ITFG2: variants seen among roughly 807,000 people sequenced by gnomAD.
The protein encoded by ITFG2 is integrin alpha FG-GAP repeat containing 2, also known as KICSTOR complex protein ITFG2.
In ITFG2, 36 loss-of-function variants were observed where a neutral mutation model predicts 54.4. That is an observed-to-expected ratio of 0.66 (90% CI 0.51 to 0.87). The LOEUF is 0.87. Among genes scored for constraint, ITFG2 ranks in the 40% least tolerant of loss-of-function variants. The pLI is 0.00. For synonymous variants in ITFG2, 211 were observed against 225.4 expected (o/e 0.94, Z 0.57); for missense variants, 524 against 576.7 (o/e 0.91, Z 0.94).
At chr12:2,856,366 G>A (rs116682998) in intron 2 of ITFG2, among the ~76,000 whole-genome samples, 2,572 of 152,122 alleles carry the variant, frequency 0.017, 80 homozygotes, top group African/African-American at 0.059. Flanking sequence ...CCATCCCCAG[G>A]GATGTTTTCT....
upstream of ITFG2, among the ~76,000 whole-genome samples, chr12:2,836,218 C>T (rs915125895): frequency 1.8e-4 from 28 of 152,234 alleles, no homozygotes; most frequent in Admixed American, 1.3e-4. Flanking sequence ...CCAGTGCACA[C>T]TGAGACAGCT....
At chr12:2,827,712 G>A, downstream of ITFG2, 1 of 1,613,398 alleles carries the variant, frequency 6.2e-7, no homozygotes, top group Non-Finnish European at 8.5e-7. The surrounding 1 kb of genome is among the most constrained non-coding windows in gnomAD (Gnocchi z 4.0). Flanking sequence ...AGAGGCTGAG[G>A]GTTCCCAGTG....
chr12:2,822,169 G>A (rs559433754), intron 9 of ITFG2, among the ~76,000 whole-genome samples: 64 of 152,090 alleles, frequency 4.2e-4, no homozygotes, highest in South Asian at 2.1e-3. Context: ...CAATCCTCTC[G>A]TCTTAGCCTC....
downstream of ITFG2, among the ~76,000 whole-genome samples, chr12:2,829,244 C>G (rs1021855919): frequency 6.6e-6 from 1 of 152,090 alleles, no homozygotes; most frequent in Non-Finnish European, 1.5e-5. Context: ...ATATGAGTAA[C>G]CAAGAAGTTC....
At chr12:2,817,347 G>A (rs376796363) in intron 2 of ITFG2, 29 bp downstream of exon 2, 104 of 1,525,076 alleles carry the variant, frequency 6.8e-5, no homozygotes, top group Middle Eastern at 1.9e-4. Flanking sequence ...GGGCCTGGAG[G>A]GGGGAAGGGA....
chr12:2,858,950 G>A (rs751184218), intron 3 of ITFG2: 6 of 1,613,640 alleles, frequency 3.7e-6, no homozygotes, highest in Non-Finnish European at 5.1e-6. Context: ...AGGGAGTGGT[G>A]CTGAGATCCA....
At chr12:2,826,327 G>A (rs1368734371), downstream of ITFG2, 1 of 152,150 alleles carries the variant, frequency 6.6e-6, no homozygotes, top group Non-Finnish European at 1.5e-5. Flanking sequence ...ATAGGAAGAA[G>A]GCCTAATGAG....
At chr12:2,853,603 T>G (rs533609606) in intron 2 of ITFG2, among the ~76,000 whole-genome samples, 2 of 146,992 alleles carry the variant, frequency 1.4e-5, no homozygotes, top group Admixed American at 6.8e-5. Context: ...TTGTTTTTGT[T>G]TTTGTTTTTG....
upstream of ITFG2, among the ~76,000 whole-genome samples, chr12:2,835,820 T>C (rs2098026111): frequency 6.6e-6 from 1 of 152,226 alleles, no homozygotes; most frequent in Non-Finnish European, 1.5e-5. Context: ...CTTTATATTC[T>C]TTATGCAAAT....
exon 3 of ITFG2, chr12:2,858,282 T>G: frequency 5.0e-6 from 1 of 200,358 alleles, no homozygotes; most frequent in Non-Finnish European, 1.0e-5. Context: ...AGAGGATAAT[T>G]TGGAGAATTT....
At chr12:2,817,831 C>T (rs936751319) in intron 2 of ITFG2, 78 bp from the exon 3 acceptor site, 27 of 1,415,632 alleles carry the variant, frequency 1.9e-5, no homozygotes, top group Admixed American at 1.1e-4. Flanking sequence ...AAAACCTGCC[C>T]GCTCCTCCTG....
downstream of ITFG2, chr12:2,827,731 T>C: frequency 1.9e-6 from 3 of 1,612,876 alleles, no homozygotes; most frequent in South Asian, 2.2e-5. The surrounding 1 kb of genome is among the most constrained non-coding windows in gnomAD (Gnocchi z 4.0). Context: ...TGGTCACTGC[T>C]GCCCTCCTCT....
At chr12:2,821,917 CTTTTTTTTTTTTCCTT>C in intron 9 of ITFG2, 125 bp downstream of exon 9, 1 of 446,126 alleles carries the variant, frequency 2.2e-6, no homozygotes, top group Non-Finnish European at 3.8e-6. Context: ...GTCTCTGTCT[CTTTTTTTTTTTTCCTT>C]TTTTTTTTTT....
chr12:2,821,435 T>C (rs2097944070), intron 7 of ITFG2, 76 bp downstream of exon 7: 1 of 1,547,024 alleles, frequency 6.5e-7, no homozygotes, highest in African/African-American at 1.4e-5. Flanking sequence ...TCCATAGCTT[T>C]CCCCTCATTT....
intron 2 of ITFG2, among the ~76,000 whole-genome samples, chr12:2,841,160 C>G (rs1359075500): frequency 6.6e-6 from 1 of 152,236 alleles, no homozygotes; most frequent in Non-Finnish European, 1.5e-5. Context: ...AACGTCATCT[C>G]TTGCTATGGA....
At chr12:2,858,705 C>T in intron 3 of ITFG2, 1 of 1,614,138 alleles carries the variant, frequency 6.2e-7, no homozygotes, top group Admixed American at 1.7e-5. Context: ...CTCGTCCAGG[C>T]CAGGAAAGCT....
chr12:2,836,746 AG>A (rs2098028919), upstream of ITFG2: 2 of 152,290 alleles, frequency 1.3e-5, no homozygotes, highest in Non-Finnish European at 2.9e-5. Flanking sequence ...TATTAAAAGG[AG>A]GAAGTGGGAC....
At chr12:2,842,990 A>G (rs565667914) in intron 2 of ITFG2, among the ~76,000 whole-genome samples, 58 of 152,078 alleles carry the variant, frequency 3.8e-4, no homozygotes, top group Non-Finnish European at 7.4e-4. Context: ...AGATCTTTCC[A>G]TCTTTTCAAC....
Position 2,812,695 on chromosome 12 carries a change from C to T in ITFG2, c.-66C>T. ...CTTAGGTGGCCTTCCGCTCTGGCGG[C>T]TGTCGCGACGGGGGTTCAGGGAATA... On this transcript the variant is annotated 5_prime_UTR_variant, in exon 1 of 12. Coordinates refer to ENST00000228799, the MANE Select transcript of ITFG2 (RefSeq NM_018463.4). The T allele has an allele frequency of 7.1e-7, 1 of 1,414,788 alleles. No homozygotes were observed. The highest frequency in any genetic ancestry group is 1.4e-5 in the African/African-American group (1 of 71,374). 87.6% of individuals were successfully genotyped at this position (1,414,788 alleles called of 1,614,324 possible).
Sources: allele counts gnomAD v4.1 joint callset (sites outside exome capture counted in the v4.1 genomes callset), GRCh38; gene constraint gnomAD v4.1.1; non-coding constraint Gnocchi (gnomAD v3.1); transcripts MANE v1.5; gene names NCBI Gene and HGNC (gene_info 2026-07-23, HGNC 2026-07-21).